Variants in DLC1 observed in about 807,000 individuals in gnomAD.
DLC1 encodes rho GTPase-activating protein 7.
A neutral mutation model predicts 140.3 loss-of-function variants in DLC1; 54 were observed. That is an observed-to-expected ratio of 0.38 (90% confidence interval 0.31 to 0.48). The LOEUF (loss-of-function observed/expected upper bound fraction) is 0.48. Among genes scored for constraint, DLC1 ranks in the 20% least tolerant of loss-of-function variants. The pLI is 0.96. For synonymous variants in DLC1, 986 were observed against 728.1 expected, an observed-to-expected ratio of 1.35 and a Z score of -5.70; for missense variants, 2,536 against 1,907.0, an observed-to-expected ratio of 1.33 and a Z score of -6.14.
chr8:13,485,831 C>G (rs17093957), intron 2 of DLC1, among the ~76,000 whole-genome samples: 21,090 of 152,108 alleles, frequency 0.14, 2,005 homozygotes, highest in African/African-American at 0.24. Context: ...AGGAAAGGCT[C>G]ATGCACAACT....
At chr8:13,318,287 G>T (rs1189708043) in intron 4 of DLC1, among the ~76,000 whole-genome samples, 1 of 151,676 alleles carries the variant, frequency 6.6e-6, no homozygotes, top group Non-Finnish European at 1.5e-5. Flanking sequence ...TCTTGCCTTG[G>T]CTTCCCAAAG....
chr8:13,492,702 G>T (rs901977003), intron 2 of DLC1, among the ~76,000 whole-genome samples: 1 of 152,018 alleles, frequency 6.6e-6, no homozygotes, highest in Non-Finnish European at 1.5e-5. Flanking sequence ...TAGCACCTGG[G>T]ATATTGAAAA....
At chr8:13,266,116 A>C (rs1328416671) in intron 5 of DLC1, among the ~76,000 whole-genome samples, 1 of 152,236 alleles carries the variant, frequency 6.6e-6, no homozygotes, top group African/African-American at 2.4e-5. Context: ...TTTCTTTAGC[A>C]AACAAAAAAA....
At chr8:13,304,808 A>AT in intron 5 of DLC1, 2 of 968,136 alleles carry the variant, frequency 2.1e-6, no homozygotes, top group African/African-American at 1.8e-5. Context: ...AAATACTATA[A>AT]TTTTTTTCTT....
chr8:13,589,128 G>T (rs1014891386), intron 1 of DLC1, among the ~76,000 whole-genome samples: 28 of 151,966 alleles, frequency 1.8e-4, no homozygotes, highest in African/African-American at 6.5e-4. Context: ...TTAACCACAC[G>T]ATCCATATTC....
chr8:13,086,014 T>A, intron 17 of DLC1, 83 bp from the exon 18 acceptor site: 5 of 1,555,944 alleles, frequency 3.2e-6, no homozygotes, highest in Non-Finnish European at 4.3e-6. Context: ...TGTTTGCTAG[T>A]TCAAATGCAT....
At chr8:13,592,023 T>C (rs950365818) in intron 1 of DLC1, among the ~76,000 whole-genome samples, 2 of 151,980 alleles carry the variant, frequency 1.3e-5, no homozygotes, top group Non-Finnish European at 2.9e-5. Context: ...TTCACTGACA[T>C]GATTAAAGGC....
Position 13,133,087 on chromosome 8 carries a change from G to T in DLC1, c.1349-17430C>A, listed in dbSNP as rs1262966119. On this transcript the variant is annotated intron_variant, in intron 5 of 17. Transcript: ENST00000276297. Reference sequence around the variant, plus strand: ...GGCGGCACCCGAGACGCGCGCCCTCGCGGTCCTCAACGCATCCTTGCTCGC... The same window carrying T: ...GGCGGCACCCGAGACGCGCGCCCTCTCGGTCCTCAACGCATCCTTGCTCGC... 7 of 1,528,382 alleles carry T rather than the reference G, an allele frequency of 4.6e-6. No homozygotes were observed. In the East Asian group the frequency reaches 7.3e-5, roughly 16 times the overall value. 94.7% of individuals were successfully genotyped at this position (1,528,382 alleles called of 1,614,324 possible). A position where few individuals can be genotyped will look rare whatever the true frequency, so the allele number is the denominator to read the frequency against.
chr8:13,415,134 T>C (rs1246265614), intron 2 of DLC1, among the ~76,000 whole-genome samples: 1 of 152,056 alleles, frequency 6.6e-6, no homozygotes, highest in Admixed American at 6.6e-5. Context: ...TTTTTTTAAG[T>C]CAGTGGCAAC....
chr8:13,094,713 C>T (rs1044809225), intron 12 of DLC1, 46 bp downstream of exon 12: 1 of 1,609,316 alleles, frequency 6.2e-7, no homozygotes, highest in East Asian at 2.2e-5. Context: ...TCAGTTGGTC[C>T]CATTTTTCCC....
intron 2 of DLC1, among the ~76,000 whole-genome samples, chr8:13,449,434 G>A (rs1798942052): frequency 6.6e-6 from 1 of 152,144 alleles, no homozygotes; most frequent in South Asian, 2.1e-4. Flanking sequence ...AACCCAGAAA[G>A]TGCAATTTGC....
intron 5 of DLC1, among the ~76,000 whole-genome samples, chr8:13,246,158 G>C (rs1262217096): frequency 6.6e-6 from 1 of 152,154 alleles, no homozygotes; most frequent in African/African-American, 2.4e-5. Flanking sequence ...CTAGAACTGA[G>C]AAGAGTTTTA....
chr8:13,520,490 G>C (rs1802730476), intron 1 of DLC1, among the ~76,000 whole-genome samples: 1 of 152,016 alleles, frequency 6.6e-6, no homozygotes, highest in Admixed American at 6.5e-5. Flanking sequence ...GGGGCTAGGG[G>C]AGGGATAACA....
intron 1 of DLC1, among the ~76,000 whole-genome samples, chr8:13,577,358 T>C (rs115759627): frequency 7.6e-4 from 116 of 152,314 alleles, no homozygotes; most frequent in African/African-American, 2.7e-3. Context: ...TCAGTGTCCG[T>C]GTCCACAGAA....
Position 13,174,931 on chromosome 8 carries a change from C to T in DLC1, c.1349-59274G>A, listed in dbSNP as rs146745996. On this transcript the variant is annotated intron_variant, in intron 5 of 17. Transcript: ENST00000276297. ...TGAGGACTTAGTCATAAATTCTTTG[C>T]CAAGGCAAAGAATTGATACTCAGAA... Among the ~76,000 whole-genome samples the T allele has an allele frequency of 1.4e-4, 21 of 152,080 alleles. No individual in the cohort carries two copies. In the East Asian group the frequency reaches 1.7e-3, roughly 13 times the overall value.
chr8:13,536,696 A>T (rs1485242486), intron 1 of DLC1, among the ~76,000 whole-genome samples: 1 of 152,178 alleles, frequency 6.6e-6, no homozygotes, highest in Non-Finnish European at 1.5e-5. Context: ...CCTGATTTCA[A>T]AGTAATAGGC....
At chr8:13,179,501 G>A (rs908600477) in intron 5 of DLC1, among the ~76,000 whole-genome samples, 9 of 152,060 alleles carry the variant, frequency 5.9e-5, no homozygotes, top group African/African-American at 2.2e-4. Flanking sequence ...CAGACAGATT[G>A]CTTGAGCTCA....
chr8:13,408,915 A>G (rs289606), intron 2 of DLC1, among the ~76,000 whole-genome samples: 7,232 of 152,240 alleles, frequency 0.048, 564 homozygotes, highest in African/African-American at 0.16. Context: ...AATTCCATAA[A>G]TTGTTTTTAG....
chr8:13,293,206 G>A (rs1189597879), intron 5 of DLC1, among the ~76,000 whole-genome samples: 2 of 152,070 alleles, frequency 1.3e-5, no homozygotes, highest in Non-Finnish European at 2.9e-5. Flanking sequence ...TTCCAGCTTG[G>A]GCAACAGAGC....
Sources: allele counts gnomAD v4.1 joint callset (sites outside exome capture counted in the v4.1 genomes callset), GRCh38; gene constraint gnomAD v4.1.1; transcripts MANE v1.5; gene names NCBI Gene and HGNC (gene_info 2026-07-23, HGNC 2026-07-21).